Variants in GNAQ observed in about 807,000 individuals in gnomAD.
GNAQ encodes G protein subunit alpha q.
A neutral mutation model predicts 43.9 loss-of-function variants in GNAQ; 8 were observed. The observed-to-expected ratio is 0.18, with a 90% CI of 0.11 to 0.33. GNAQ has a LOEUF of 0.33. Ranked by LOEUF, GNAQ falls within the 10% of genes least tolerant of loss-of-function variation. The probability of loss-of-function intolerance (pLI) is 1.00; values close to 1 mark genes in which losing one functional copy is unlikely to be tolerated. For missense variants in GNAQ, 158 were observed against 450.8 expected (o/e 0.35, Z 5.88); for synonymous variants, 155 against 170.7 (o/e 0.91, Z 0.71).
chr9:77,776,884 A>G (rs1222907513), intron 5 of GNAQ, among the ~76,000 whole-genome samples: 1 of 150,564 alleles, frequency 6.6e-6, no homozygotes, highest in Admixed American at 6.6e-5. Context: ...TTTTTGGCAG[A>G]AACTCACAAG....
chr9:77,734,788 C>T (rs1271060745), intron 5 of GNAQ, among the ~76,000 whole-genome samples: 1 of 152,166 alleles, frequency 6.6e-6, no homozygotes, highest in African/African-American at 2.4e-5. Context: ...AGGCCAGAGC[C>T]ATCATGCCCT....
At chr9:77,965,175 A>G (rs1404674977) in intron 1 of GNAQ, among the ~76,000 whole-genome samples, 1 of 152,142 alleles carries the variant, frequency 6.6e-6, no homozygotes, top group Non-Finnish European at 1.5e-5. Flanking sequence ...CAATCACAAC[A>G]TAAACACCAA....
At chr9:77,970,086 G>A (rs2118455159) in intron 1 of GNAQ, among the ~76,000 whole-genome samples, 1 of 152,180 alleles carries the variant, frequency 6.6e-6, no homozygotes, top group Non-Finnish European at 1.5e-5. Flanking sequence ...AGGTGCAGTG[G>A]TGCACGCCTG....
At chr9:77,888,046 G>A (rs1451995211) in intron 2 of GNAQ, among the ~76,000 whole-genome samples, 1 of 152,180 alleles carries the variant, frequency 6.6e-6, no homozygotes, top group Non-Finnish European at 1.5e-5. Context: ...AAGACATTTT[G>A]TGCCTTTACT....
chr9:77,822,254 G>T (rs1827129928), intron 2 of GNAQ, among the ~76,000 whole-genome samples: 1 of 152,098 alleles, frequency 6.6e-6, no homozygotes, highest in Non-Finnish European at 1.5e-5. Flanking sequence ...TGAAAACACT[G>T]ACTAGAGACT....
At chr9:77,810,213 TC>T (rs1826896636) in intron 3 of GNAQ, among the ~76,000 whole-genome samples, 1 of 30,712 alleles carries the variant, frequency 3.3e-5, no homozygotes, top group Non-Finnish European at 6.2e-5. Flanking sequence ...CAATCATCTA[TC>T]TATCTATCTA....
At chr9:77,976,076 G>A (rs79889797) in intron 1 of GNAQ, among the ~76,000 whole-genome samples, 1,626 of 152,314 alleles carry the variant, frequency 0.011, 21 homozygotes, top group African/African-American at 0.036. Flanking sequence ...TGCCCAGTTT[G>A]AGGTTCACTG....
chr9:77,821,928 C>A (rs1013933473), intron 2 of GNAQ, among the ~76,000 whole-genome samples: 2 of 152,024 alleles, frequency 1.3e-5, no homozygotes, highest in South Asian at 4.1e-4. Context: ...CAAAGAATAT[C>A]TGAGGAACAT....
chr9:77,994,857 C>T (rs1823549300), intron 1 of GNAQ, among the ~76,000 whole-genome samples: 1 of 152,140 alleles, frequency 6.6e-6, no homozygotes, highest in South Asian at 2.1e-4. Flanking sequence ...TAAATATGGG[C>T]CATATATGAC....
intron 1 of GNAQ, among the ~76,000 whole-genome samples, chr9:77,989,900 C>T (rs1823487753): frequency 6.6e-6 from 1 of 152,148 alleles, no homozygotes; most frequent in Admixed American, 6.5e-5. Flanking sequence ...TGACCTTTCC[C>T]CTTTTATTTA....
chr9:77,812,913 T>G lies in GNAQ; in HGVS notation c.476+2703A>C, dbSNP rs1394223519. Among the ~76,000 whole-genome samples the G allele has an allele frequency of 2.6e-5, 4 of 151,944 alleles. No homozygotes were observed. In the East Asian group the frequency reaches 7.7e-4, roughly 29 times the overall value. On this transcript the variant is annotated intron_variant, in intron 3 of 6. Transcript: ENST00000286548. Reference sequence around the variant, plus strand: ...GAATAATTTATTTTTATTTTTTATTTTTTTTTGGAGATGGAGTCTTCCTCT... The same window carrying G: ...GAATAATTTATTTTTATTTTTTATTGTTTTTTGGAGATGGAGTCTTCCTCT...
intron 3 of GNAQ, among the ~76,000 whole-genome samples, chr9:77,805,186 C>A (rs963883534): frequency 9.2e-5 from 14 of 152,188 alleles, no homozygotes; most frequent in Admixed American, 8.5e-4. Context: ...CCTTCCTCAT[C>A]TGGCAAATCC....
Position 77,827,488 on chromosome 9 carries a change from C to T in GNAQ, c.322-11718G>A, listed in dbSNP as rs144104345. Among the ~76,000 whole-genome samples, 33 of 150,898 alleles carry T rather than the reference C, an allele frequency of 2.2e-4. No homozygotes were observed. The East Asian group carries it at 4.9e-3, about 22-fold the overall frequency. On this transcript the variant is annotated intron_variant, in intron 2 of 6. Transcript: ENST00000286548. ...CTTAGCTATATATTTATTTTTGAAA[C>T]GCTTTCATGTAATTTCTAAATTTAG...
chr9:77,886,190 C>T (rs1321474510), intron 2 of GNAQ, among the ~76,000 whole-genome samples: 8 of 152,156 alleles, frequency 5.3e-5, no homozygotes, highest in African/African-American at 1.9e-4. Context: ...TGATCTTGAA[C>T]TCTTAACCTC....
chr9:77,997,244 T>C (rs11145647), intron 1 of GNAQ, among the ~76,000 whole-genome samples: 17,949 of 152,306 alleles, frequency 0.12, 1,394 homozygotes, highest in Non-Finnish European at 0.18. Context: ...GTAACTTCTA[T>C]GAGTATTCTC....
At chr9:77,964,744 CTAAG>C (rs1162726859) in intron 1 of GNAQ, among the ~76,000 whole-genome samples, 4 of 152,016 alleles carry the variant, frequency 2.6e-5, no homozygotes, top group Non-Finnish European at 5.9e-5. Flanking sequence ...GTATTAGAAA[CTAAG>C]TAATAATGAA....
intron 2 of GNAQ, among the ~76,000 whole-genome samples, chr9:77,853,880 A>G (rs532156016): frequency 8.2e-4 from 125 of 151,584 alleles, no homozygotes; most frequent in Non-Finnish European, 1.4e-3. Context: ...TCGTTCCACT[A>G]TTACATAAAC....
chr9:78,026,287 A>G (rs184113689), intron 1 of GNAQ, among the ~76,000 whole-genome samples: 2 of 152,204 alleles, frequency 1.3e-5, no homozygotes, highest in Non-Finnish European at 2.9e-5. Flanking sequence ...CCAGACGATG[A>G]ATCTACGTAG....
intron 3 of GNAQ, 48 bp downstream of exon 3, chr9:77,815,568 A>G: frequency 8.1e-7 from 1 of 1,230,260 alleles, no homozygotes; most frequent in Non-Finnish European, 1.2e-6. Flanking sequence ...AAACCTCCAC[A>G]TGGAAGTAAA....
Sources: gnomAD v4.1 joint callset for allele counts (sites outside exome capture counted in the v4.1 genomes callset) on GRCh38, gnomAD v4.1.1 for gene constraint, MANE v1.5 for transcripts, NCBI Gene and HGNC (gene_info 2026-07-23, HGNC 2026-07-21) for gene names.